The following MYO3B variants were observed in gnomAD, a reference collection of about 807,000 sequenced individuals.
MYO3B encodes myosin-IIIb.
Under a neutral mutation model 174.6 loss-of-function variants are expected in MYO3B, and 156 were observed. That is an observed-to-expected ratio of 0.89 (90% CI 0.78 to 1.02). MYO3B has a LOEUF of 1.02. MYO3B is among the 50% of genes least tolerant of loss of function. The probability of loss-of-function intolerance (pLI) is 0.00; values close to 1 mark genes in which losing one functional copy is unlikely to be tolerated. For missense variants in MYO3B, 1,632 were observed against 1,639.4 expected (o/e 1.00, Z 0.08); for synonymous variants, 563 against 569.1 (o/e 0.99, Z 0.15).
At chr2:170,505,298 C>T (rs1405667466) in intron 28 of MYO3B, among the ~76,000 whole-genome samples, 1 of 152,102 alleles carries the variant, frequency 6.6e-6, no homozygotes, top group Non-Finnish European at 1.5e-5. Flanking sequence ...CTGCATATCA[C>T]CTTGGCAAGA....
chr2:170,402,579 A>T (rs945747564), intron 18 of MYO3B, among the ~76,000 whole-genome samples: 1 of 152,076 alleles, frequency 6.6e-6, no homozygotes, highest in African/African-American at 2.4e-5. Context: ...GACTTTAAAA[A>T]TTTTATTTTA....
chr2:170,525,312 A>G (rs1002722172), intron 30 of MYO3B, among the ~76,000 whole-genome samples: 4 of 152,210 alleles, frequency 2.6e-5, no homozygotes, highest in African/African-American at 9.6e-5. Context: ...TGTACAGTGA[A>G]TGCCAAAATG....
chr2:170,479,818 A>G (rs1489528443), intron 25 of MYO3B, among the ~76,000 whole-genome samples: 3 of 148,504 alleles, frequency 2.0e-5, no homozygotes, highest in East Asian at 3.9e-4. Context: ...ACATATACAC[A>G]TATATAGGTT....
chr2:170,519,359 CAG>C (rs1220658668), intron 29 of MYO3B, 77 bp from the exon 30 acceptor site: 16 of 1,079,712 alleles, frequency 1.5e-5, no homozygotes, highest in East Asian at 7.3e-5. Flanking sequence ...AGAAGGGCTG[CAG>C]AGAGTGTAGA....
At chr2:170,476,627 A>T (rs1685335082) in intron 25 of MYO3B, among the ~76,000 whole-genome samples, 2 of 151,826 alleles carry the variant, frequency 1.3e-5, no homozygotes, top group African/African-American at 4.8e-5. Flanking sequence ...TTTCTCTGCC[A>T]TGCTGTTGTG....
At chr2:170,596,230 T>G (rs1277875444) in intron 32 of MYO3B, among the ~76,000 whole-genome samples, 11 of 152,328 alleles carry the variant, frequency 7.2e-5, no homozygotes, top group Admixed American at 7.2e-4. Flanking sequence ...TGTTTGTGAT[T>G]CTGGCTGGGT....
intron 30 of MYO3B, among the ~76,000 whole-genome samples, chr2:170,532,312 G>A (rs548433807): frequency 3.3e-5 from 5 of 152,264 alleles, no homozygotes; most frequent in Admixed American, 2.6e-4. Flanking sequence ...GGAACTAAAA[G>A]AACGTTACCT....
At chr2:170,184,357 C>T (rs977893793) in intron 1 of MYO3B, among the ~76,000 whole-genome samples, 1 of 152,062 alleles carries the variant, frequency 6.6e-6, no homozygotes, top group Admixed American at 6.6e-5. Flanking sequence ...TTCCCAGCCT[C>T]TGGTAACTAT....
chr2:170,396,164 TAA>T (rs1471680900), intron 16 of MYO3B, among the ~76,000 whole-genome samples: 3 of 151,780 alleles, frequency 2.0e-5, no homozygotes, highest in Admixed American at 6.6e-5. Flanking sequence ...CTGGTAGAAA[TAA>T]AAAGAGACAG....
intron 28 of MYO3B, among the ~76,000 whole-genome samples, chr2:170,511,927 G>A (rs1442123780): frequency 6.6e-6 from 1 of 152,176 alleles, no homozygotes; most frequent in Non-Finnish European, 1.5e-5. Flanking sequence ...GCTGGTGGGA[G>A]TCAGAAAATA....
In MYO3B at chr2:170,387,129, G is replaced by A. The variant is rs367681779; in HGVS notation, c.1398G>A (p.Glu466=). 25 of 1,613,878 alleles carry A rather than the reference G, an allele frequency of 1.5e-5. No individual in the cohort carries two copies. The highest frequency in any genetic ancestry group is 2.0e-5 in the Non-Finnish European group (24 of 1,179,894). The part of the protein sequence containing the change: ...LGKANNQTLR[E]KILQVNSLVE... ...AGGCCAATAATCAGACCTTGAGAGA[G>A]AAAATTCTACAAGTCAACTCCCTGG... The change falls in exon 14 of 35, where the codon GAG becomes GAA. Residue 466 remains glutamate (E), a synonymous_variant. Coordinates refer to ENST00000408978, the MANE Select transcript of MYO3B (RefSeq NM_138995.5).
chr2:170,372,215 A>C (rs2094254653), intron 9 of MYO3B, among the ~76,000 whole-genome samples: 1 of 151,614 alleles, frequency 6.6e-6, no homozygotes, highest in African/African-American at 2.4e-5. Flanking sequence ...TAACTGGATA[A>C]GTTTTTAATC....
At chr2:170,251,998 A>G (rs1370889666) in intron 7 of MYO3B, among the ~76,000 whole-genome samples, 1 of 152,182 alleles carries the variant, frequency 6.6e-6, no homozygotes, top group Non-Finnish European at 1.5e-5. Flanking sequence ...AGACCAGGAG[A>G]AGTAAATATG....
chr2:170,297,285 A>T (rs1370559321), intron 7 of MYO3B, among the ~76,000 whole-genome samples: 1 of 151,764 alleles, frequency 6.6e-6, no homozygotes, highest in Admixed American at 6.6e-5. Context: ...AAAACAAAAC[A>T]TACCCGCTCC....
intron 22 of MYO3B, among the ~76,000 whole-genome samples, chr2:170,442,129 T>C (rs1306284550): frequency 6.6e-6 from 1 of 152,198 alleles, no homozygotes; most frequent in African/African-American, 2.4e-5. Context: ...TTTATTTCTC[T>C]TTGGTAAATA....
chr2:170,364,853 T>C (rs181022249), intron 8 of MYO3B, among the ~76,000 whole-genome samples: 1 of 152,304 alleles, frequency 6.6e-6, no homozygotes, highest in East Asian at 1.9e-4. Flanking sequence ...TAGTTAAAGT[T>C]GGTAAAGGGA....
At chr2:170,398,228 GAAAAAAAAAA>G (rs34432719) in intron 16 of MYO3B, among the ~76,000 whole-genome samples, 1 of 87,960 alleles carries the variant, frequency 1.1e-5, no homozygotes, top group African/African-American at 4.5e-5. Flanking sequence ...TGTCTCAAAA[GAAAAAAAAAA>G]AAAAAAAAAA....
chr2:170,461,288 A>G (rs1056557302), intron 23 of MYO3B, among the ~76,000 whole-genome samples: 13 of 151,562 alleles, frequency 8.6e-5, no homozygotes, highest in African/African-American at 3.2e-4. Context: ...CAGCCTGACC[A>G]ACATGGAGAA....
chr2:170,322,824 A>G (rs1201199748), intron 7 of MYO3B, among the ~76,000 whole-genome samples: 1 of 152,146 alleles, frequency 6.6e-6, no homozygotes, highest in Non-Finnish European at 1.5e-5. Context: ...GGAACTGTAC[A>G]GCCTTCCTAC....
Sources: gnomAD v4.1 joint callset for allele counts (sites outside exome capture counted in the v4.1 genomes callset) on GRCh38, gnomAD v4.1.1 for gene constraint, MANE v1.5 for transcripts, NCBI Gene and HGNC (gene_info 2026-07-23, HGNC 2026-07-21) for gene names.